The following OR2L13 variants were observed in gnomAD, a reference collection of about 807,000 sequenced individuals.
OR2L13 encodes olfactory receptor 2L13.
OR2L13 carries 14 observed loss-of-function variants against 15.3 expected under a neutral mutation model. That is an observed-to-expected ratio of 0.91 (90% CI 0.60 to 1.43). OR2L13 has a LOEUF of 1.43. Among genes scored for constraint, OR2L13 ranks in the 40% most tolerant of loss-of-function variants. OR2L13 has a pLI of 0.00. For missense variants in OR2L13, 367 were observed against 387.9 expected (o/e 0.95, Z 0.45); for synonymous variants, 152 against 142.9 (o/e 1.06, Z -0.45).
the OR2L13 span, chr1:248,062,006 A>T: frequency 6.1e-6 from 1 of 165,078 alleles, no homozygotes; most frequent in Non-Finnish European, 1.3e-5. Context: ...TGTCTAAAAC[A>T]AAACAAAAAA....
chr1:248,054,625 G>T, the OR2L13 span, among the ~76,000 whole-genome samples: 3 of 151,984 alleles, frequency 2.0e-5, no homozygotes, highest in African/African-American at 4.8e-5. Context: ...CTTGAACAAT[G>T]GTTTGTAGTT....
the OR2L13 span, chr1:248,039,023 A>T: frequency 2.5e-6 from 4 of 1,614,010 alleles, no homozygotes; most frequent in East Asian, 8.9e-5. Context: ...TCTACTATGC[A>T]CCCTTTGCTT....
At chr1:248,083,868 A>G in the OR2L13 span, 2 of 1,611,988 alleles carry the variant, frequency 1.2e-6, no homozygotes, top group South Asian at 2.2e-5. Context: ...CACCACAGCC[A>G]CATGTGAAGA....
chr1:247,969,685 A>G, the OR2L13 span, among the ~76,000 whole-genome samples: 2 of 152,248 alleles, frequency 1.3e-5, no homozygotes, highest in African/African-American at 4.8e-5. Flanking sequence ...AATCTGCATG[A>G]AATGTAGAAA....
chr1:247,962,317 C>A, the OR2L13 span, among the ~76,000 whole-genome samples: 2 of 152,128 alleles, frequency 1.3e-5, no homozygotes, highest in Non-Finnish European at 2.9e-5. Flanking sequence ...CAGATGCTAA[C>A]TACTGATTCA....
At chr1:247,980,263 C>T in the OR2L13 span, among the ~76,000 whole-genome samples, 2 of 151,808 alleles carry the variant, frequency 1.3e-5, no homozygotes, top group Non-Finnish European at 2.9e-5. Context: ...ATGGGCATTT[C>T]CAGAATAAAA....
chr1:247,954,624 TTTTTTGA>T, the OR2L13 span, among the ~76,000 whole-genome samples: 1 of 151,652 alleles, frequency 6.6e-6, no homozygotes, highest in Non-Finnish European at 1.5e-5. Context: ...TCTTTTCTTT[TTTTTTGA>T]TTTTTTGAGT....
chr1:248,054,965 C>T, the OR2L13 span, among the ~76,000 whole-genome samples: 2 of 152,194 alleles, frequency 1.3e-5, no homozygotes, highest in African/African-American at 4.8e-5. Context: ...GTCATACCTT[C>T]CAACACTACA....
chr1:248,100,314 AT>A, exon 3 of OR2L13: 1 of 1,552,578 alleles, frequency 6.4e-7, no homozygotes, highest in Non-Finnish European at 8.9e-7. Flanking sequence ...TGAAAGAATA[AT>A]CATGGCCATC....
the OR2L13 span, among the ~76,000 whole-genome samples, chr1:248,065,624 C>G: frequency 7.0e-6 from 1 of 143,188 alleles, no homozygotes; most frequent in African/African-American, 2.6e-5. Flanking sequence ...GTGATGTTCC[C>G]CTTCCTGTGT....
chr1:248,038,272 A>G, the OR2L13 span: 1 of 1,603,188 alleles, frequency 6.2e-7, no homozygotes, highest in Non-Finnish European at 8.5e-7. Flanking sequence ...TTCCCCATGG[A>G]AAATTACAAT....
At chr1:248,096,532 C>G (rs891722762), upstream of OR2L13, among the ~76,000 whole-genome samples, 6 of 152,166 alleles carry the variant, frequency 3.9e-5, no homozygotes, top group Non-Finnish European at 8.8e-5. Flanking sequence ...ATGGTTAACA[C>G]AGGGAATGGG....
the OR2L13 span, chr1:247,975,456 T>A: frequency 1.3e-6 from 1 of 763,848 alleles, no homozygotes; most frequent in Non-Finnish European, 2.4e-6. Flanking sequence ...CCCACCTCAC[T>A]GTAGTAATTT....
At chr1:248,017,036 C>T in the OR2L13 span, among the ~76,000 whole-genome samples, 387 of 152,218 alleles carry the variant, frequency 2.5e-3, 2 homozygotes, top group Middle Eastern at 0.01. Context: ...TGTATGATGC[C>T]TCCCGGGTTG....
the OR2L13 span, among the ~76,000 whole-genome samples, chr1:248,057,934 T>C: frequency 6.6e-6 from 1 of 152,200 alleles, no homozygotes. Context: ...TTTTAGTTCT[T>C]TCTTTTGAAA....
chr1:247,990,498 C>A, the OR2L13 span: 1 of 1,574,372 alleles, frequency 6.4e-7, no homozygotes, highest in East Asian at 2.2e-5. Flanking sequence ...CACCATTGTT[C>A]CTAAGATGGT....
chr1:248,003,761 A>G, the OR2L13 span: 1 of 1,613,874 alleles, frequency 6.2e-7, no homozygotes, highest in Non-Finnish European at 8.5e-7. Flanking sequence ...GTTTCCCTTC[A>G]TTGCTATTTC....
At chr1:247,976,002 A>T in the OR2L13 span, among the ~76,000 whole-genome samples, 1 of 152,196 alleles carries the variant, frequency 6.6e-6, no homozygotes, top group African/African-American at 2.4e-5. Flanking sequence ...CAAAAATAAT[A>T]AATTATTTAA....
chr1:248,044,956 G>C, the OR2L13 span, among the ~76,000 whole-genome samples: 1 of 151,454 alleles, frequency 6.6e-6, no homozygotes, highest in Non-Finnish European at 1.5e-5. Flanking sequence ...TGGTGTTTTG[G>C]TCTGCTACCA....
Sources: gnomAD v4.1 joint callset for allele counts (sites outside exome capture counted in the v4.1 genomes callset) on GRCh38, gnomAD v4.1.1 for gene constraint, MANE v1.5 for transcripts, NCBI Gene and HGNC (gene_info 2026-07-23, HGNC 2026-07-21) for gene names.